Variants in OGA observed in about 807,000 individuals in gnomAD.
The protein encoded by OGA is O-GlcNAcase.
A neutral mutation model predicts 102.0 loss-of-function variants in OGA; 21 were observed. The observed-to-expected ratio is 0.21, with a 90% confidence interval of 0.15 to 0.30. The LOEUF is 0.30. OGA is among the 10% of genes least tolerant of loss of function. OGA has a pLI of 1.00. For synonymous variants in OGA, 408 were observed against 378.2 expected (o/e 1.08, Z -0.91); for missense variants, 765 against 1,107.8 (o/e 0.69, Z 4.39).
rs1029837647 is a variant in OGA at position 101,818,105 on chromosome 10, G to C, written c.-83C>G. ...GGCACCGGCCCGGAGCCCTGGAGAG[G>C]GCTTCAGCTCCAAGTGTGCGCCCCT... is the stretch of plus-strand genomic sequence containing the variant. On this transcript the variant is annotated 5_prime_UTR_variant, in exon 1 of 16. Transcript: ENST00000361464. 5 of 1,431,324 alleles carry C rather than the reference G, an allele frequency of 3.5e-6. No homozygotes were observed. The Admixed American group carries it at 1.1e-4, about 33-fold the overall frequency. 88.7% of individuals were successfully genotyped at this position (1,431,324 alleles called of 1,614,324 possible). A position where few individuals can be genotyped will look rare whatever the true frequency, so the allele number is the denominator to read the frequency against.
At chr10:101,812,249 C>T (rs1215425446) in intron 3 of OGA, among the ~76,000 whole-genome samples, 1 of 152,080 alleles carries the variant, frequency 6.6e-6, no homozygotes, top group African/African-American at 2.4e-5. Flanking sequence ...TAAGTATACC[C>T]ATAGCAGGCC....
At chr10:101,812,083 T>C (rs1397147282) in intron 3 of OGA, among the ~76,000 whole-genome samples, 1 of 152,258 alleles carries the variant, frequency 6.6e-6, no homozygotes, top group Non-Finnish European at 1.5e-5. Context: ...GGCTGGGCTC[T>C]GTAACCAAAT....
rs1478984833 is a variant in OGA, at chr10:101,806,133, G to A, written c.663C>T (p.Gly221=). The A allele has an allele frequency of 1.3e-6, 2 of 1,597,200 alleles. No individual in the cohort carries two copies. The highest frequency in any genetic ancestry group is 1.1e-5 in the South Asian group (1 of 90,702). The change falls in exon 6 of 16, where the codon GGC becomes GGT. Residue 221 remains glycine, a synonymous_variant. Coordinates refer to ENST00000361464, the MANE Select transcript of OGA (RefSeq NM_012215.5). ...GAGACACATTTGGATAACAGAAAGT[G>A]CCACAGTATTCTAAATGTAGGGAGA... The part of the protein sequence containing the change: ...TFLFCPTEYC[G]TFCYPNVSQS...
At chr10:101,805,986 G>A in intron 6 of OGA, 59 bp downstream of exon 6, 3 of 1,172,344 alleles carry the variant, frequency 2.6e-6, no homozygotes, top group South Asian at 2.5e-5. Context: ...ACAAGAACAA[G>A]CAATTTCTGC....
chr10:101,804,071 G>C (rs775650244), intron 6 of OGA, 52 bp from the exon 7 acceptor site: 33 of 1,509,346 alleles, frequency 2.2e-5, no homozygotes, highest in Admixed American at 3.7e-5. Context: ...TTGGCTAGAC[G>C]CATTGGCTCA....
At chr10:101,813,898 T>C (rs563024083) in intron 1 of OGA, among the ~76,000 whole-genome samples, 5 of 152,346 alleles carry the variant, frequency 3.3e-5, no homozygotes, top group East Asian at 1.9e-4. Flanking sequence ...ATCTTTCCAC[T>C]GTTGATAAAG....
chr10:101,815,786 G>T (rs1234906484), intron 1 of OGA, among the ~76,000 whole-genome samples: 2 of 151,616 alleles, frequency 1.3e-5, no homozygotes, highest in Non-Finnish European at 2.9e-5. Context: ...TGAGAGTCAG[G>T]TTCATGGTTT....
At chr10:101,787,282 C>T (rs1381185173) in intron 15 of OGA, 82 bp downstream of exon 15, 37 of 1,376,656 alleles carry the variant, frequency 2.7e-5, no homozygotes, top group Non-Finnish European at 3.0e-5. Context: ...TTACAATTCA[C>T]TTCTTTCCTT....
intron 15 of OGA, among the ~76,000 whole-genome samples, chr10:101,786,795 G>C (rs760012274): frequency 6.6e-6 from 1 of 152,268 alleles, no homozygotes; most frequent in African/African-American, 2.4e-5. Flanking sequence ...CCCCGCACCC[G>C]AGACAGAATC....
chr10:101,809,604 A>C, intron 4 of OGA, among the ~76,000 whole-genome samples: 1 of 151,082 alleles, frequency 6.6e-6, no homozygotes, highest in Non-Finnish European at 1.5e-5. Context: ...ACAGCTACTC[A>C]GGAGGCTGAG....
At chr10:101,795,940 A>AC in intron 10 of OGA, 1 of 975,280 alleles carries the variant, frequency 1.0e-6, no homozygotes, top group Non-Finnish European at 1.2e-6. Context: ...TTGGAAAGCT[A>AC]CCACCATAAA....
intron 7 of OGA, among the ~76,000 whole-genome samples, chr10:101,801,452 A>C (rs997560526): frequency 2.0e-5 from 3 of 152,080 alleles, no homozygotes; most frequent in Non-Finnish European, 4.4e-5. Context: ...CACATAAGGC[A>C]ACAAAGCTCT....
intron 10 of OGA, among the ~76,000 whole-genome samples, chr10:101,796,748 T>G (rs1378307401): frequency 6.6e-6 from 1 of 152,048 alleles, no homozygotes; most frequent in East Asian, 1.9e-4. Context: ...TTTTTGTATT[T>G]TTTTAGTAGA....
At chr10:101,801,518 A>C (rs932347895) in intron 7 of OGA, among the ~76,000 whole-genome samples, 7 of 152,188 alleles carry the variant, frequency 4.6e-5, no homozygotes, top group African/African-American at 1.4e-4. Context: ...TTGTACTTAA[A>C]AACTCTCTAT....
Position 101,787,467 on chromosome 10 carries a change from A to T in OGA, c.2511T>A (p.Ala837=). ...CCATCTTTATCAGAGAAGGGAAATT[A>T]GCAAGGAAAGTTTCTGGCAGTACTT... is the stretch of plus-strand genomic sequence containing the variant. ...EQEVLPETFL[A]NFPSLIKMDI... The change falls in exon 15 of 16, where the codon GCT becomes GCA. Residue 837 remains alanine (A), a synonymous_variant. Transcript: ENST00000361464. 6.2e-7 allele frequency: 1 copy of T among 1,613,888 alleles called. No individual in the cohort carries two copies. The highest frequency in any genetic ancestry group is 8.5e-7 in the Non-Finnish European group (1 of 1,179,728).
intron 9 of OGA, among the ~76,000 whole-genome samples, chr10:101,798,477 C>T (rs1253825717): frequency 6.8e-6 from 1 of 147,064 alleles, no homozygotes; most frequent in African/African-American, 2.5e-5. Context: ...ATGGCACGAT[C>T]TCAGCTCACT....
In OGA at chr10:101,815,854, A is replaced by G. The variant is rs183598073; in HGVS notation, c.199+1970T>C. 1.5e-3 allele frequency among the ~76,000 whole-genome samples: 220 copies of G among 151,722 alleles called. 1 individual carries two copies. Among genetic ancestry groups the G allele is most frequent in the Admixed American group, 3.2e-3 (48 of 15,238 alleles). ...CTGTTAATGTAAGTTAAAAACCAAG[A>G]GAGTTTTGTGATGGAAAGAAAACAA... On this transcript the variant is annotated intron_variant, in intron 1 of 15. Transcript: ENST00000361464.
intron 14 of OGA, among the ~76,000 whole-genome samples, chr10:101,789,066 T>C (rs2065225825): frequency 6.6e-6 from 1 of 152,250 alleles, no homozygotes; most frequent in Admixed American, 6.5e-5. Flanking sequence ...AAGTGTCAGA[T>C]GTGGAACAGC....
rs1283615743 is a variant in OGA, at chr10:101,785,029, G to A, written c.*1422C>T. On this transcript the variant is annotated 3_prime_UTR_variant, in exon 16 of 16. Coordinates refer to ENST00000361464, the MANE Select transcript of OGA (RefSeq NM_012215.5). ...GGCTCTCTCAAAGCCCACAATGGTG[G>A]AGTTCTGTGAAAGAAAACTTAAGTT... is the stretch of plus-strand genomic sequence containing the variant. 1.3e-5 allele frequency: 2 copies of A among 152,188 alleles called. No individual in the cohort carries two copies. The highest frequency in any genetic ancestry group is 4.8e-5 in the African/African-American group (2 of 41,428). The allele number at this position is 152,188 out of a possible 1,614,324, so 9.4% of individuals were successfully genotyped here.
Sources: gnomAD v4.1 joint callset for allele counts (sites outside exome capture counted in the v4.1 genomes callset) on GRCh38, gnomAD v4.1.1 for gene constraint, MANE v1.5 for transcripts, NCBI Gene and HGNC (gene_info 2026-07-23, HGNC 2026-07-21) for gene names.